Variants in POMGNT2 observed in about 807,000 individuals in gnomAD.
POMGNT2 encodes the protein protein O-linked-mannose beta-1,4-N-acetylglucosaminyltransferase 2.
POMGNT2 carries 32 observed loss-of-function variants against 37.8 expected under a neutral mutation model. The observed-to-expected ratio is 0.85, with a 90% CI of 0.64 to 1.14. The LOEUF (loss-of-function observed/expected upper bound fraction) is 1.14, where lower values mean the gene tolerates loss of function less well. POMGNT2 is among the 50% of genes most tolerant of loss of function. POMGNT2 has a pLI of 0.00. For synonymous variants in POMGNT2, 340 were observed against 336.8 expected (o/e 1.01, Z -0.10); for missense variants, 705 against 780.6 (o/e 0.90, Z 1.15).
rs1414602473 is a variant in POMGNT2, at chr3:43,080,711, T to C, written c.721A>G (p.Thr241Ala). Residue 241 changes from threonine to alanine, a missense_variant, in exon 2 of 2, where the codon ACC (threonine) becomes GCC (alanine). Thr to Ala is a moderately conservative substitution (Grantham distance 58, BLOSUM62 0). Transcript: ENST00000344697. The part of the protein sequence containing the change: ...HAFVGLSKIT[T>A]WYQYGFVQPQ... ...TGCACAAAGCCATACTGGTACCAGG[T>C]AGTGATCTTGGAGAGGCCCACAAAA... 2.5e-6 allele frequency: 4 copies of C among 1,614,016 alleles called. No individual in the cohort carries two copies. Among genetic ancestry groups the C allele is most frequent in the Non-Finnish European group, 2.5e-6 (3 of 1,180,012 alleles).
Position 43,081,472 on chromosome 3 carries a change from G to A in POMGNT2, c.-41C>T. ...GGGCCCTAATGAGATGACGGCCACT[G>A]GGAAGCACCACAGGCCAGGCAGGCT... On this transcript the variant is annotated 5_prime_UTR_variant, in exon 2 of 2. The change creates a premature stop within an existing upstream ORF in the 5' untranslated region. Transcript: ENST00000344697. 1 of 1,470,606 alleles carries A rather than the reference G, an allele frequency of 6.8e-7. No homozygotes were observed. Among genetic ancestry groups the A allele is most frequent in the Non-Finnish European group, 9.1e-7 (1 of 1,104,838 alleles). The allele number at this position is 1,470,606 out of a possible 1,614,324, so 91.1% of individuals were successfully genotyped here.
At chr3:43,104,035 C>A (rs577613668) in intron 1 of POMGNT2, among the ~76,000 whole-genome samples, 2 of 152,178 alleles carry the variant, frequency 1.3e-5, no homozygotes, top group African/African-American at 2.4e-5. Context: ...CTGTTTTACA[C>A]GCATTATCTC....
At chr3:43,094,671 C>T (rs978902771) in intron 1 of POMGNT2, among the ~76,000 whole-genome samples, 2 of 152,280 alleles carry the variant, frequency 1.3e-5, no homozygotes, top group East Asian at 3.9e-4. Context: ...AGGGCACTGG[C>T]GACAAAGGGA....
intron 1 of POMGNT2, chr3:43,090,550 C>T (rs1376995684): frequency 2.0e-5 from 3 of 152,022 alleles, no homozygotes; most frequent in Non-Finnish European, 4.4e-5. Context: ...CCCAGTAAGA[C>T]ATGCCCTCAG....
At chr3:43,105,514 C>T (rs553174738) in intron 1 of POMGNT2, among the ~76,000 whole-genome samples, 11 of 152,222 alleles carry the variant, frequency 7.2e-5, no homozygotes, top group African/African-American at 2.4e-4. Flanking sequence ...GTGCCTGCCA[C>T]GAGCTGAGGG....
chr3:43,084,442 G>A (rs1480880576), intron 1 of POMGNT2, among the ~76,000 whole-genome samples: 2 of 152,064 alleles, frequency 1.3e-5, no homozygotes, highest in South Asian at 2.1e-4. Context: ...TCAGGAGTTC[G>A]AGACCACCCT....
intron 1 of POMGNT2, among the ~76,000 whole-genome samples, chr3:43,099,054 C>T (rs541570617): frequency 4.6e-5 from 7 of 152,056 alleles, no homozygotes; most frequent in South Asian, 4.2e-4. Context: ...GGGAACAGAA[C>T]GGTGGGAACC....
Position 43,080,193 on chromosome 3 carries a change from GC to G in POMGNT2, c.1238del (p.Gly413AlafsTer53), listed in dbSNP as rs780368344. ...GCTCAGCCCGGTCCAGATGGGTGAT[GC>G]CCCCCTGATCCCAGGGCCGCTCAGG... Reference protein sequence around the residue: ...THPERPWDQGGITHLDRAEQA... With the variant: ...THPERPWDQGXITHLDRAEQA... On this transcript the variant is annotated frameshift_variant, in exon 2 of 2. Transcript: ENST00000344697. LOFTEE classifies it high-confidence loss of function. 3 of 1,613,938 alleles carry G rather than the reference GC, an allele frequency of 1.9e-6. No individual in the cohort carries two copies. Among genetic ancestry groups the G allele is most frequent in the Non-Finnish European group, 1.7e-6 (2 of 1,179,906 alleles).
chr3:43,096,922 G>T (rs1575472519), intron 1 of POMGNT2, among the ~76,000 whole-genome samples: 1 of 152,188 alleles, frequency 6.6e-6, no homozygotes, highest in African/African-American at 2.4e-5. Context: ...CCCAGACTTA[G>T]TGAATCCTCC....
rs2089851896 is a variant in POMGNT2, at chr3:43,081,209, T to C, written c.223A>G (p.Thr75Ala). Residue 75 changes from threonine (T) to alanine (A), a missense_variant, in exon 2 of 2, where the codon ACA (threonine) becomes GCA (alanine). By Grantham distance (58) the Thr-to-Ala change is moderately conservative. Coordinates refer to ENST00000344697, the MANE Select transcript of POMGNT2 (RefSeq NM_032806.6). ...CACTTGAAGCGGCAGATGCGGTCTG[T>C]GTGCGTGCGGCCCGTGCACACCATG... ...THMVCTGRTH[T>A]DRICRFKWLC... 6.2e-7 allele frequency: 1 copy of C among 1,614,010 alleles called. No individual in the cohort carries two copies. Among genetic ancestry groups the C allele is most frequent in the Admixed American group, 1.7e-5 (1 of 60,014 alleles).
Position 43,106,006 on chromosome 3 carries a change from C to G in POMGNT2, c.-276G>C, listed in dbSNP as rs1279390570. 1.3e-5 allele frequency: 2 copies of G among 151,596 alleles called. No homozygotes were observed. The highest frequency in any genetic ancestry group is 2.9e-5 in the Non-Finnish European group (2 of 67,858). The allele number at this position is 151,596 out of a possible 1,614,324, so 9.4% of individuals were successfully genotyped here. On this transcript the variant is annotated 5_prime_UTR_variant, in exon 1 of 2. Coordinates refer to ENST00000344697, the MANE Select transcript of POMGNT2 (RefSeq NM_032806.6). ...TTTGGCCGCGCCGCCGGGTTCGCAG[C>G]GACCGCCACCTCCAGGCTCGCAGGT...
At chr3:43,104,673 C>G (rs888096106) in intron 1 of POMGNT2, among the ~76,000 whole-genome samples, 7 of 152,146 alleles carry the variant, frequency 4.6e-5, no homozygotes, top group African/African-American at 7.2e-5. Context: ...TTCATGAGAG[C>G]CAGAGAGGGC....
At chr3:43,088,256 TCA>T (rs942760422) in intron 1 of POMGNT2, among the ~76,000 whole-genome samples, 1 of 152,190 alleles carries the variant, frequency 6.6e-6, no homozygotes, top group African/African-American at 2.4e-5. Context: ...TCACTTTTCA[TCA>T]CAGTCATTTG....
intron 1 of POMGNT2, among the ~76,000 whole-genome samples, chr3:43,083,136 A>C (rs943928212): frequency 2.4e-4 from 37 of 151,912 alleles, no homozygotes; most frequent in African/African-American, 8.7e-4. Flanking sequence ...TATACTCCCC[A>C]CCTCCAAACT....
At position 43,098,878 on chromosome 3, in the gene POMGNT2, C is replaced by T. The variant is rs2089997741; in HGVS notation, c.-106+6958G>A. On this transcript the variant is annotated intron_variant, in intron 1 of 1. Transcript: ENST00000344697. This position sits in a 1 kb window ranked among gnomAD's most constrained non-coding sequence, Gnocchi z 4.3. ...ACCAGCTCATATGCAACCCTCTCAC[C>T]GGTTTTCAGCCTCCAAATAACGCAG... 8.6e-6 allele frequency among the ~76,000 whole-genome samples: 1 copy of T among 115,876 alleles called. No individual in the cohort carries two copies. Among genetic ancestry groups the T allele is most frequent in the Non-Finnish European group, 1.9e-5 (1 of 52,274 alleles). The allele number at this position is 115,876 out of a possible 152,430, so 76.0% of individuals were successfully genotyped here.
intron 1 of POMGNT2, among the ~76,000 whole-genome samples, chr3:43,091,474 A>G (rs1381127916): frequency 6.6e-6 from 1 of 152,238 alleles, no homozygotes; most frequent in Non-Finnish European, 1.5e-5. Flanking sequence ...GAGAATTCCA[A>G]TTAAAAAATG....
intron 1 of POMGNT2, among the ~76,000 whole-genome samples, chr3:43,082,153 A>T (rs2089862323): frequency 2.0e-5 from 3 of 152,378 alleles, no homozygotes; most frequent in Non-Finnish European, 2.9e-5. Flanking sequence ...GCCATAGGAA[A>T]GACAGGCCAT....
At chr3:43,093,861 A>G (rs2089961362) in intron 1 of POMGNT2, among the ~76,000 whole-genome samples, 1 of 152,216 alleles carries the variant, frequency 6.6e-6, no homozygotes, top group African/African-American at 2.4e-5. Context: ...GACTGAATAC[A>G]AATCATCTAC....
At chr3:43,093,594 C>T (rs546062004) in intron 1 of POMGNT2, among the ~76,000 whole-genome samples, 1 of 152,156 alleles carries the variant, frequency 6.6e-6, no homozygotes, top group East Asian at 1.9e-4. Context: ...TCCTGGAGTT[C>T]TGATTGCCTG....
Sources: allele counts gnomAD v4.1 joint callset (sites outside exome capture counted in the v4.1 genomes callset), GRCh38; gene constraint gnomAD v4.1.1; non-coding constraint Gnocchi (gnomAD v3.1); transcripts MANE v1.5; gene names NCBI Gene and HGNC (gene_info 2026-07-23, HGNC 2026-07-21).